CDH9: variants seen among roughly 807,000 people sequenced by gnomAD.
The protein encoded by CDH9 is cadherin-9.
CDH9 carries 28 observed loss-of-function variants against 70.9 expected under a neutral mutation model. The ratio of observed to expected loss-of-function variants is 0.40; its 90% confidence interval spans 0.29 to 0.54. The LOEUF (loss-of-function observed/expected upper bound fraction) is 0.54, where lower values mean the gene tolerates loss of function less well. Among genes scored for constraint, CDH9 ranks in the 20% least tolerant of loss-of-function variants. The pLI is 0.59. For synonymous variants in CDH9, 409 were observed against 343.1 expected (o/e 1.19, Z -2.12); for missense variants, 874 against 984.4 (o/e 0.89, Z 1.50).
chr5:26,887,052 C>A (rs1043930926), intron 9 of CDH9, among the ~76,000 whole-genome samples: 2 of 152,128 alleles, frequency 1.3e-5, no homozygotes, highest in African/African-American at 4.8e-5. Flanking sequence ...TATAACTATA[C>A]TAACCTACAT....
intron 1 of CDH9, 67 bp from the exon 2 acceptor site, chr5:26,988,449 T>C: frequency 7.5e-7 from 1 of 1,324,930 alleles, no homozygotes; most frequent in Non-Finnish European, 1.0e-6. Context: ...ACGTGTAAAC[T>C]GAAATACTTA....
chr5:27,037,303 C>G (rs1403262931), intron 1 of CDH9, among the ~76,000 whole-genome samples: 1 of 151,616 alleles, frequency 6.6e-6, no homozygotes, highest in African/African-American at 2.4e-5. Flanking sequence ...TGAAAAAATC[C>G]CTATTAGGAA....
At chr5:26,940,261 T>C (rs1417126956) in intron 2 of CDH9, among the ~76,000 whole-genome samples, 1 of 152,034 alleles carries the variant, frequency 6.6e-6, no homozygotes, top group Non-Finnish European at 1.5e-5. Flanking sequence ...CATGATATAA[T>C]GTATTTTTTC....
At chr5:26,937,248 G>A (rs1185248893) in intron 2 of CDH9, among the ~76,000 whole-genome samples, 3 of 152,058 alleles carry the variant, frequency 2.0e-5, no homozygotes, top group Non-Finnish European at 4.4e-5. Context: ...AGACACACAT[G>A]GCAAATAAGC....
intron 1 of CDH9, among the ~76,000 whole-genome samples, chr5:27,006,699 A>G (rs1366460): frequency 0.52 from 79,291 of 151,992 alleles, 22,193 homozygotes; most frequent in African/African-American, 0.69. Flanking sequence ...ATTTGAGTAC[A>G]TCATCTGGTT....
chr5:26,882,127 G>C (rs1178481927), intron 11 of CDH9, among the ~76,000 whole-genome samples: 1 of 151,952 alleles, frequency 6.6e-6, no homozygotes, highest in African/African-American at 2.4e-5. Flanking sequence ...ACACATACAT[G>C]AATATGTATG....
intron 9 of CDH9, among the ~76,000 whole-genome samples, chr5:26,887,609 T>A (rs1390026981): frequency 2.6e-5 from 4 of 152,120 alleles, no homozygotes; most frequent in Non-Finnish European, 5.9e-5. Flanking sequence ...GTAGGTTGAC[T>A]TGTGTTCCCC....
At chr5:26,944,723 C>T (rs1287561022) in intron 2 of CDH9, among the ~76,000 whole-genome samples, 1 of 151,808 alleles carries the variant, frequency 6.6e-6, no homozygotes, top group Admixed American at 6.6e-5. Flanking sequence ...GAAATTATTG[C>T]ATACTTGCAT....
chr5:26,968,237 G>A (rs1209757234), intron 2 of CDH9, among the ~76,000 whole-genome samples: 1 of 152,024 alleles, frequency 6.6e-6, no homozygotes, highest in East Asian at 1.9e-4. Flanking sequence ...AAGAAATCCA[G>A]AGACGATTAC....
intron 1 of CDH9, among the ~76,000 whole-genome samples, chr5:26,994,212 A>T (rs549267438): frequency 6.6e-6 from 1 of 152,302 alleles, no homozygotes; most frequent in African/African-American, 2.4e-5. Context: ...ATGATATTAG[A>T]TGAGATTTTG....
chr5:26,881,705 GGT>G, intron 11 of CDH9, 82 bp from the exon 12 acceptor site: 1 of 1,246,416 alleles, frequency 8.0e-7, no homozygotes, highest in Non-Finnish European at 1.1e-6. Flanking sequence ...AAATTCGTTT[GGT>G]GCAGGAGATA....
intron 2 of CDH9, among the ~76,000 whole-genome samples, chr5:26,941,685 T>G (rs1432402637): frequency 6.6e-6 from 1 of 152,214 alleles, no homozygotes; most frequent in Non-Finnish European, 1.5e-5. Context: ...TAATGTTGTG[T>G]GCTTGGGTAG....
At chr5:26,968,764 G>A (rs1487266415) in intron 2 of CDH9, among the ~76,000 whole-genome samples, 1 of 151,280 alleles carries the variant, frequency 6.6e-6, no homozygotes, top group African/African-American at 2.5e-5. Context: ...AGAGGGAGAT[G>A]GTGCCATATT....
intron 1 of CDH9, among the ~76,000 whole-genome samples, chr5:27,017,804 C>A (rs982771798): frequency 6.6e-6 from 1 of 151,970 alleles, no homozygotes; most frequent in African/African-American, 2.4e-5. Flanking sequence ...TAGAAGCTGG[C>A]AGGAATCCAG....
intron 2 of CDH9, among the ~76,000 whole-genome samples, chr5:26,939,254 G>A (rs945087539): frequency 6.6e-6 from 1 of 151,378 alleles, no homozygotes; most frequent in Non-Finnish European, 1.5e-5. Flanking sequence ...AATATGAACA[G>A]GTAAAATTGT....
chr5:26,895,272 G>A (rs575234104), intron 7 of CDH9, among the ~76,000 whole-genome samples: 1 of 152,028 alleles, frequency 6.6e-6, no homozygotes, highest in African/African-American at 2.4e-5. Flanking sequence ...GCTATACAAT[G>A]ACATTATTTA....
At chr5:26,903,187 T>C in intron 6 of CDH9, 1 of 251,916 alleles carries the variant, frequency 4.0e-6, no homozygotes, top group East Asian at 1.4e-4. Context: ...AATATTGAGC[T>C]CTATTATTAG....
chr5:26,922,011 A>G (rs1741252436), intron 2 of CDH9, among the ~76,000 whole-genome samples: 1 of 143,518 alleles, frequency 7.0e-6, no homozygotes, highest in South Asian at 2.3e-4. Context: ...CTATTTGAAA[A>G]AACACAAAAT....
intron 2 of CDH9, among the ~76,000 whole-genome samples, chr5:26,978,873 C>G (rs1241890823): frequency 1.3e-5 from 2 of 151,676 alleles, no homozygotes; most frequent in African/African-American, 4.8e-5. Flanking sequence ...AATAAACTGT[C>G]AGATTAATCC....
Sources: allele counts gnomAD v4.1 joint callset (sites outside exome capture counted in the v4.1 genomes callset), GRCh38; gene constraint gnomAD v4.1.1; transcripts MANE v1.5; gene names NCBI Gene and HGNC (gene_info 2026-07-23, HGNC 2026-07-21).